PCDH7: variants seen among roughly 807,000 people sequenced by gnomAD.
The protein encoded by PCDH7 is protocadherin 7, also known as protocadherin-7.
PCDH7 carries 17 observed loss-of-function variants against 58.9 expected under a neutral mutation model. The ratio of observed to expected loss-of-function variants is 0.29; its 90% confidence interval spans 0.20 to 0.43. The LOEUF (loss-of-function observed/expected upper bound fraction) is 0.43, where lower values mean the gene tolerates loss of function less well. PCDH7 is among the 20% of genes least tolerant of loss of function. PCDH7 has a pLI of 1.00. For synonymous variants in PCDH7, 664 were observed against 616.4 expected (o/e 1.08, Z -1.14); for missense variants, 1,274 against 1,441.0 (o/e 0.88, Z 1.88).
chr4:31,088,639 G>C (rs1467202993), intron 3 of PCDH7, among the ~76,000 whole-genome samples: 1 of 151,986 alleles, frequency 6.6e-6, no homozygotes, highest in Non-Finnish European at 1.5e-5. Flanking sequence ...AACTAGCAAT[G>C]AAGAGAACAT....
intron 3 of PCDH7, among the ~76,000 whole-genome samples, chr4:31,033,332 CT>C (rs1231379606): frequency 6.6e-6 from 1 of 152,112 alleles, no homozygotes; most frequent in East Asian, 1.9e-4. Context: ...GATAGCATGT[CT>C]TTTTAAGCTT....
At chr4:30,933,892 G>A (rs1351483751) in intron 2 of PCDH7, among the ~76,000 whole-genome samples, 1 of 152,150 alleles carries the variant, frequency 6.6e-6, no homozygotes, top group Non-Finnish European at 1.5e-5. Flanking sequence ...GAGTTTTAGG[G>A]CCCAGTCCTT....
intron 1 of PCDH7, among the ~76,000 whole-genome samples, chr4:30,873,516 T>G (rs1410371559): frequency 1.3e-5 from 2 of 152,122 alleles, no homozygotes; most frequent in African/African-American, 4.8e-5. Context: ...TATATGTATT[T>G]CTAAATAATG....
intron 3 of PCDH7, among the ~76,000 whole-genome samples, chr4:31,107,123 A>G (rs1337914522): frequency 6.6e-6 from 1 of 152,134 alleles, no homozygotes; most frequent in East Asian, 1.9e-4. Context: ...CAAAAGTTTA[A>G]CCTTTCTACA....
At chr4:30,814,485 T>C (rs73213198) in intron 1 of PCDH7, among the ~76,000 whole-genome samples, 11,905 of 152,168 alleles carry the variant, frequency 0.078, 691 homozygotes, top group Non-Finnish European at 0.12. Context: ...ATTGCCTCTT[T>C]TATTTACTTT....
At chr4:31,048,208 A>G (rs1756443593) in intron 3 of PCDH7, among the ~76,000 whole-genome samples, 1 of 152,068 alleles carries the variant, frequency 6.6e-6, no homozygotes, top group African/African-American at 2.4e-5. Context: ...TTAAATGACA[A>G]GAAAAAGAAT....
At chr4:30,787,832 GT>G (rs1157085075) in intron 1 of PCDH7, among the ~76,000 whole-genome samples, 1 of 152,016 alleles carries the variant, frequency 6.6e-6, no homozygotes, top group Non-Finnish European at 1.5e-5. Context: ...TTGCACTTTG[GT>G]TTGTTACCTA....
intron 3 of PCDH7, among the ~76,000 whole-genome samples, chr4:31,039,751 T>C (rs182556652): frequency 6.6e-6 from 1 of 152,330 alleles, no homozygotes; most frequent in East Asian, 1.9e-4. Flanking sequence ...CTGGTGTATG[T>C]ATGTATAGGC....
At chr4:31,022,835 T>G (rs1223664410) in intron 3 of PCDH7, among the ~76,000 whole-genome samples, 1 of 152,168 alleles carries the variant, frequency 6.6e-6, no homozygotes, top group Admixed American at 6.5e-5. Flanking sequence ...GTAGAAATTA[T>G]GACTAAGTGT....
intron 1 of PCDH7, among the ~76,000 whole-genome samples, chr4:30,849,903 A>T (rs1732488065): frequency 6.6e-6 from 1 of 152,026 alleles, no homozygotes; most frequent in African/African-American, 2.4e-5. Flanking sequence ...TTCGGGTCAA[A>T]ATTCTTCTCT....
At chr4:30,910,517 A>G (rs1359734728) in intron 1 of PCDH7, among the ~76,000 whole-genome samples, 1 of 152,102 alleles carries the variant, frequency 6.6e-6, no homozygotes, top group Admixed American at 6.6e-5. Context: ...TGGACAGCCA[A>G]AAGAAGACAT....
intron 3 of PCDH7, among the ~76,000 whole-genome samples, chr4:31,035,072 A>G (rs1755276238): frequency 6.6e-6 from 1 of 152,172 alleles, no homozygotes; most frequent in South Asian, 2.1e-4. Context: ...GAAAATTAGA[A>G]TTCAGGTCAC....
At chr4:30,770,427 G>A (rs1721254332) in intron 1 of PCDH7, among the ~76,000 whole-genome samples, 1 of 152,168 alleles carries the variant, frequency 6.6e-6, no homozygotes, top group African/African-American at 2.4e-5. Flanking sequence ...TAGCTTGAGT[G>A]TCTTGGCCCT....
chr4:31,064,627 A>T (rs78562260), intron 3 of PCDH7, among the ~76,000 whole-genome samples: 1,794 of 151,896 alleles, frequency 0.012, 29 homozygotes, highest in African/African-American at 0.037. Context: ...GCTTGAAGCT[A>T]TATCGCTCCA....
intron 3 of PCDH7, among the ~76,000 whole-genome samples, chr4:31,021,683 G>A (rs1166764131): frequency 3.3e-5 from 5 of 152,078 alleles, no homozygotes; most frequent in African/African-American, 1.2e-4. Context: ...AGGAAGTGCA[G>A]CACCAATACT....
chr4:31,110,390 A>C (rs1415307378), intron 3 of PCDH7, among the ~76,000 whole-genome samples: 1 of 152,204 alleles, frequency 6.6e-6, no homozygotes, highest in Admixed American at 6.5e-5. Context: ...ACCAACATTC[A>C]TTTTTAGTAA....
At chr4:30,874,701 T>TA (rs142261948) in intron 1 of PCDH7, among the ~76,000 whole-genome samples, 67,454 of 149,166 alleles carry the variant, frequency 0.45, 16,071 homozygotes, top group African/African-American at 0.6. Context: ...AATAATAAAA[T>TA]AAAAAAATAG....
Position 30,766,114 on chromosome 4 carries a change from A to G in PCDH7, c.70+41518A>G, listed in dbSNP as rs909149879. 4.5e-4 allele frequency among the ~76,000 whole-genome samples: 13 copies of G among 28,730 alleles called. 1 individual carries two copies. The highest frequency in any genetic ancestry group is 6.0e-4 in the Non-Finnish European group (11 of 18,392). The allele number at this position is 28,730 out of a possible 152,430, so 18.8% of individuals were successfully genotyped here. On this transcript the variant is annotated intron_variant, in intron 1 of 3. Coordinates refer to the PCDH7 transcript ENST00000509759. ...CAGATCTCTCCCATTAAATGTAGGG[A>G]AAAAAAAAAGGAACTGATTCTGATG... is the stretch of plus-strand genomic sequence containing the variant.
At chr4:30,897,383 C>T (rs1739588468) in intron 1 of PCDH7, among the ~76,000 whole-genome samples, 1 of 152,150 alleles carries the variant, frequency 6.6e-6, no homozygotes, top group African/African-American at 2.4e-5. Context: ...AAGTGGCTCA[C>T]TAACTTGAAA....
Sources: gnomAD v4.1 joint callset for allele counts (sites outside exome capture counted in the v4.1 genomes callset) on GRCh38, gnomAD v4.1.1 for gene constraint, MANE v1.5 for transcripts, NCBI Gene and HGNC (gene_info 2026-07-23, HGNC 2026-07-21) for gene names.